The following MED6 variants were observed in gnomAD, a reference collection of about 807,000 sequenced individuals.
The protein encoded by MED6 is mediator of RNA polymerase II transcription subunit 6.
A neutral mutation model predicts 37.5 loss-of-function variants in MED6; 33 were observed. The ratio of observed to expected loss-of-function variants is 0.88; its 90% confidence interval spans 0.67 to 1.18. MED6 has a LOEUF of 1.18. Among genes scored for constraint, MED6 ranks in the 50% most tolerant of loss-of-function variants. The probability of loss-of-function intolerance (pLI) is 0.00; values close to 1 mark genes in which losing one functional copy is unlikely to be tolerated. For missense variants in MED6, 235 were observed against 290.6 expected (o/e 0.81, Z 1.39); for synonymous variants, 94 against 93.6 (o/e 1.00, Z -0.02).
intron 3 of MED6, chr14:70,594,697 G>C (rs766333718): frequency 8.8e-6 from 4 of 456,182 alleles, no homozygotes; most frequent in Admixed American, 5.6e-5. Context: ...TCCGTGTCCC[G>C]CTCCACCGGT....
At chr14:70,600,325 ATGT>A (rs1252957894) in intron 1 of MED6, among the ~76,000 whole-genome samples, 2 of 152,018 alleles carry the variant, frequency 1.3e-5, no homozygotes, top group East Asian at 3.9e-4. Context: ...AATAGCCCTA[ATGT>A]TGTTGCAGAG....
At chr14:70,596,009 T>C (rs1477103418) in intron 3 of MED6, among the ~76,000 whole-genome samples, 3 of 152,230 alleles carry the variant, frequency 2.0e-5, no homozygotes, top group Admixed American at 6.5e-5. Flanking sequence ...AGAGTTGTCC[T>C]TGGGCATGCT....
At chr14:70,592,855 A>C (rs368794747) in intron 5 of MED6, 25 bp downstream of exon 5, 119 of 1,611,172 alleles carry the variant, frequency 7.4e-5, no homozygotes, top group Non-Finnish European at 1.4e-5. Flanking sequence ...AAAGTGTTTT[A>C]GGAGGGTATG....
rs960186007 is a variant in MED6, at chr14:70,591,027, T to C, written c.582+239A>G. ...CTTTTGAATGAGAATATTATCTACA[T>C]GCAGTCCTCATAGTTTGTGAAGTTT... is the stretch of plus-strand genomic sequence containing the variant. On this transcript the variant is annotated intron_variant, in intron 6 of 7. Coordinates refer to ENST00000256379, the MANE Select transcript of MED6 (RefSeq NM_005466.4). Among the ~76,000 whole-genome samples the C allele has an allele frequency of 2.0e-5, 3 of 152,240 alleles. No individual in the cohort carries two copies. In the South Asian group the frequency reaches 6.2e-4, roughly 31 times the overall value.
At chr14:70,591,616 A>G (rs1432781747) in intron 5 of MED6, 5 of 375,126 alleles carry the variant, frequency 1.3e-5, no homozygotes, top group African/African-American at 6.5e-5. Context: ...TCTTTTAAAG[A>G]TACTTCAGTT....
intron 7 of MED6, among the ~76,000 whole-genome samples, chr14:70,585,298 G>A (rs941393868): frequency 1.3e-5 from 2 of 152,060 alleles, no homozygotes; most frequent in East Asian, 1.9e-4. Flanking sequence ...AAGAAACCTC[G>A]AATCACAGTG....
chr14:70,592,720 T>A, intron 5 of MED6, 160 bp downstream of exon 5: 1 of 642,398 alleles, frequency 1.6e-6, no homozygotes, highest in Admixed American at 3.0e-5. Flanking sequence ...AAGCTATTAT[T>A]ACCACATCTA....
rs560182728 is a variant in MED6, at chr14:70,596,434, T to C, written c.274+177A>G. ...CTTACTGTGTTGTCATAACAAATCTTAGCTGTAAGTACAACCATATGCTAA... is the reference window on the plus strand; with the variant it reads ...CTTACTGTGTTGTCATAACAAATCTCAGCTGTAAGTACAACCATATGCTAA... On this transcript the variant is annotated intron_variant, in intron 3 of 7. Coordinates refer to ENST00000256379, the MANE Select transcript of MED6 (RefSeq NM_005466.4). 4 of 519,762 alleles carry C rather than the reference T, an allele frequency of 7.7e-6. No homozygotes were observed. The South Asian group carries it at 8.6e-5, about 11-fold the overall frequency. The allele number at this position is 519,762 out of a possible 1,614,324, so 32.2% of individuals were successfully genotyped here.
chr14:70,592,776 G>T, intron 5 of MED6, 104 bp downstream of exon 5: 1 of 1,310,484 alleles, frequency 7.6e-7, no homozygotes, highest in Non-Finnish European at 1.1e-6. Context: ...CCATGAAAAA[G>T]TGAAACACAC....
chr14:70,600,208 AAAG>A (rs1280302386), intron 1 of MED6, among the ~76,000 whole-genome samples: 1 of 152,200 alleles, frequency 6.6e-6, no homozygotes, highest in African/African-American at 2.4e-5. Flanking sequence ...GGCGCGGTCT[AAAG>A]AATTAGGCAG....
At chr14:70,592,811 C>T in intron 5 of MED6, 69 bp downstream of exon 5, 1 of 1,548,656 alleles carries the variant, frequency 6.5e-7, no homozygotes, top group Non-Finnish European at 8.8e-7. Flanking sequence ...CAGCCATTTT[C>T]CTAAAGAAAA....
At chr14:70,599,788 C>A (rs2139607036) in intron 1 of MED6, among the ~76,000 whole-genome samples, 1 of 151,662 alleles carries the variant, frequency 6.6e-6, no homozygotes. Flanking sequence ...ATTCTAACAG[C>A]ATTCTAACCA....
At chr14:70,595,510 G>T in intron 3 of MED6, 2 of 673,386 alleles carry the variant, frequency 3.0e-6, no homozygotes, top group Non-Finnish European at 2.7e-6. Flanking sequence ...AACAGCCTGA[G>T]GGAGGTGGAG....
chr14:70,592,840 A>G, intron 5 of MED6, 40 bp downstream of exon 5: 1 of 1,604,130 alleles, frequency 6.2e-7, no homozygotes. Context: ...TTCTCAGAGG[A>G]TCAAAAAGTG....
At chr14:70,595,227 C>A in intron 3 of MED6, 1 of 542,566 alleles carries the variant, frequency 1.8e-6, no homozygotes, top group Non-Finnish European at 3.6e-6. Flanking sequence ...GCCCAGACTG[C>A]CAGCTCTGGG....
intron 2 of MED6, 38 bp downstream of exon 2, chr14:70,597,580 G>C (rs1018108282): frequency 1.4e-6 from 2 of 1,422,274 alleles, no homozygotes; most frequent in Non-Finnish European, 1.8e-6. Flanking sequence ...TGCAAAACTT[G>C]TATTTGGAAA....
At chr14:70,594,759 T>C in intron 3 of MED6, 3 of 541,154 alleles carry the variant, frequency 5.5e-6, no homozygotes, top group South Asian at 1.7e-5. Flanking sequence ...GCCAGGGTTC[T>C]AGCAGGAATG....
In MED6 at chr14:70,597,712, G is replaced by A. The variant is rs879331192; in HGVS notation, c.88C>T (p.Leu30=). 3 of 1,564,234 alleles carry A rather than the reference G, an allele frequency of 1.9e-6. No individual in the cohort carries two copies. Among genetic ancestry groups the A allele is most frequent in the Non-Finnish European group, 2.6e-6 (3 of 1,163,562 alleles). Residue 30 remains leucine, a synonymous_variant, in exon 2 of 8, where the codon CTG becomes TTG. Transcript: ENST00000256379. ...TTACTTCTTTCTGAAAAGTAATCCAGGACACTACCACTGTTCAAAATAGGG... is the reference window on the plus strand; with the variant it reads ...TTACTTCTTTCTGAAAAGTAATCCAAGACACTACCACTGTTCAAAATAGGG... ...WIPILNSGSV[L]DYFSERSNPF...
At chr14:70,585,835 C>A (rs767404826) in intron 6 of MED6, 52 bp from the exon 7 acceptor site, 6 of 1,530,546 alleles carry the variant, frequency 3.9e-6, no homozygotes, top group Non-Finnish European at 5.3e-6. Context: ...AAGAAGAAAA[C>A]AGGTCAACTT....
Sources: gnomAD v4.1 joint callset for allele counts (sites outside exome capture counted in the v4.1 genomes callset) on GRCh38, gnomAD v4.1.1 for gene constraint, MANE v1.5 for transcripts, NCBI Gene and HGNC (gene_info 2026-07-23, HGNC 2026-07-21) for gene names.